Variants in DMXL1 observed in about 807,000 individuals in gnomAD.
DMXL1 encodes Dmx like 1.
DMXL1 carries 99 observed loss-of-function variants against 319.2 expected under a neutral mutation model. The ratio of observed to expected loss-of-function variants is 0.31; its 90% confidence interval spans 0.26 to 0.37. The LOEUF (loss-of-function observed/expected upper bound fraction) is 0.37. DMXL1 is among the 10% of genes least tolerant of loss of function. DMXL1 has a pLI of 1.00. For synonymous variants in DMXL1, 1,385 were observed against 1,235.2 expected, an observed-to-expected ratio of 1.12 and a Z score of -2.54; for missense variants, 3,745 against 3,595.6, an observed-to-expected ratio of 1.04 and a Z score of -1.06.
intron 34 of DMXL1, among the ~76,000 whole-genome samples, chr5:119,210,099 C>G (rs1247271381): frequency 6.6e-6 from 1 of 152,010 alleles, no homozygotes; most frequent in Non-Finnish European, 1.5e-5. Flanking sequence ...TGTGCACTAA[C>G]ACACCCGGCT....
chr5:119,083,454 C>G (rs963060483), intron 1 of DMXL1, among the ~76,000 whole-genome samples: 4 of 152,052 alleles, frequency 2.6e-5, no homozygotes, highest in African/African-American at 9.7e-5. Context: ...AACATGGGCA[C>G]ATAGATGTCT....
At chr5:119,202,860 CATACATATATATATATATATATTTTTAT>C (rs1780962099) in intron 32 of DMXL1, among the ~76,000 whole-genome samples, 2 of 109,328 alleles carry the variant, frequency 1.8e-5, no homozygotes, top group Admixed American at 2.2e-4. Flanking sequence ...CAAAAATATA[CATACATATATATATATATATATTTTTAT>C]ATATATATAT....
At chr5:119,178,724 T>G in intron 28 of DMXL1, 2 of 906,160 alleles carry the variant, frequency 2.2e-6, no homozygotes, top group Non-Finnish European at 2.6e-6. Context: ...CTTTTATCAT[T>G]CAGCTTGCTT....
At chr5:119,213,398 T>C (rs1353710379) in intron 34 of DMXL1, among the ~76,000 whole-genome samples, 1 of 152,220 alleles carries the variant, frequency 6.6e-6, no homozygotes, top group Non-Finnish European at 1.5e-5. Context: ...TGCTTTCACC[T>C]ACCCAAGAAC....
chr5:119,234,633 TA>T (rs1787391569), intron 39 of DMXL1, among the ~76,000 whole-genome samples: 2 of 152,196 alleles, frequency 1.3e-5, no homozygotes, highest in African/African-American at 2.4e-5. Flanking sequence ...GGGAACTTAG[TA>T]CAGATGCCTG....
At chr5:119,113,464 A>G (rs1760128014) in intron 5 of DMXL1, among the ~76,000 whole-genome samples, 1 of 152,162 alleles carries the variant, frequency 6.6e-6, no homozygotes, top group East Asian at 1.9e-4. Flanking sequence ...GCTGGTCTCG[A>G]ACTCCTGACC....
chr5:119,209,417 G>A (rs6595179), intron 34 of DMXL1, among the ~76,000 whole-genome samples: 103,242 of 151,068 alleles, frequency 0.68, 35,754 homozygotes, highest in East Asian at 0.97. Flanking sequence ...TGGTGTGATT[G>A]CGGCTCACTG....
At chr5:119,204,557 G>GT (rs1306126734) in intron 33 of DMXL1, among the ~76,000 whole-genome samples, 5 of 148,754 alleles carry the variant, frequency 3.4e-5, no homozygotes, top group African/African-American at 1.3e-4. Context: ...TATCATAATG[G>GT]GTTTTTTTTT....
intron 1 of DMXL1, among the ~76,000 whole-genome samples, chr5:119,088,362 G>C (rs990379582): frequency 2.0e-5 from 3 of 152,106 alleles, no homozygotes; most frequent in African/African-American, 7.2e-5. Context: ...TGGGTTTCTT[G>C]TGGGCAGTAT....
chr5:119,151,107 A>T (rs1054812404), intron 18 of DMXL1, among the ~76,000 whole-genome samples: 2 of 152,104 alleles, frequency 1.3e-5, no homozygotes, highest in African/African-American at 4.8e-5. Context: ...TTTTGTAATA[A>T]TCCACTATTA....
chr5:119,170,348 A>G lies in DMXL1; in HGVS notation c.5557A>G (p.Ser1853Gly), dbSNP rs1260420949. The G allele has an allele frequency of 6.2e-7, 1 of 1,613,926 alleles. No individual in the cohort carries two copies. The highest frequency in any genetic ancestry group is 1.3e-5 in the African/African-American group (1 of 74,938). Residue 1853 changes from serine to glycine, a missense_variant, in exon 24 of 44, where the codon AGT (serine) becomes GGT (glycine). This residue lies in a region of DMXL1 where 1,382 missense variants were observed against 1,269.5 expected (regional missense o/e 1.09). Transcript: ENST00000539542. ...TGGACTGGCAGGAACAATTAATTTA[A>G]GTGAAAGACGTTTATTTTTTACCAC... ...KSGLAGTINL[S>G]ERRLFFTTAS...
In DMXL1 at chr5:119,170,785, T is replaced by TGAC. The variant is rs778007061; in HGVS notation, c.5995_5997dup (p.Asp1999dup). ...AGAGAAAAACAGATAAAAAGTTGGA[T>TGAC]GACATAAGTTCTAACTACACAGAAT... On this transcript the variant is annotated inframe_insertion, in exon 24 of 44. Coordinates refer to ENST00000539542, the MANE Select transcript of DMXL1 (RefSeq NM_001290321.3). 2 of 1,612,000 alleles carry TGAC rather than the reference T, an allele frequency of 1.2e-6. No individual in the cohort carries two copies. Among genetic ancestry groups the TGAC allele is most frequent in the East Asian group, 4.5e-5 (2 of 44,844 alleles).
rs1561775049 is a variant in DMXL1 at position 119,166,666 on chromosome 5, A to T, written c.5021A>T (p.Asp1674Val). Residue 1674 changes from aspartate to valine, a missense_variant, in exon 22 of 44, where the codon GAT (aspartate) becomes GTT (valine). Physicochemically the swap from Asp to Val is radical, Grantham distance 152. Transcript: ENST00000539542. ...MTQFFGHNFEDERWRKAALKN... is the reference protein window; with the variant it reads ...MTQFFGHNFEVERWRKAALKN... ...CAGTTTTTTGGACACAATTTTGAGGATGAGAGGTGGCGTAAAGCAGCTTTA... is the reference window on the plus strand; with the variant it reads ...CAGTTTTTTGGACACAATTTTGAGGTTGAGAGGTGGCGTAAAGCAGCTTTA... 6.2e-7 allele frequency: 1 copy of T among 1,612,500 alleles called. No individual in the cohort carries two copies. The highest frequency in any genetic ancestry group is 2.2e-5 in the East Asian group (1 of 44,678).
intron 2 of DMXL1, among the ~76,000 whole-genome samples, chr5:119,101,386 C>G (rs1757245345): frequency 6.6e-6 from 1 of 151,914 alleles, no homozygotes; most frequent in Non-Finnish European, 1.5e-5. Flanking sequence ...TTATATGAGA[C>G]TCACTCAAGT....
chr5:119,146,097 T>G (rs1360025458), intron 15 of DMXL1, among the ~76,000 whole-genome samples: 1 of 151,922 alleles, frequency 6.6e-6, no homozygotes, highest in African/African-American at 2.4e-5. Context: ...ATTTTTTTGC[T>G]ATGCAAATTT....
At position 119,133,169 on chromosome 5, in the gene DMXL1, C is replaced by G. The variant is rs201169279; in HGVS notation, c.1353C>G (p.Pro451=). 24 of 1,613,912 alleles carry G rather than the reference C, an allele frequency of 1.5e-5. No homozygotes were observed. Among genetic ancestry groups the G allele is most frequent in the Non-Finnish European group, 1.9e-5 (22 of 1,180,006 alleles). ...DDGVDDLKIN[P]EKKELGCDKM... ...GTGTTGATGATCTGAAAATAAATCC[C>G]GAAAAGAAGGAATTAGGCTGTGATA... Residue 451 remains proline, a synonymous_variant, in exon 11 of 44, where the codon CCC becomes CCG. Transcript: ENST00000539542.
At chr5:119,122,212 C>T (rs1236423207) in intron 9 of DMXL1, among the ~76,000 whole-genome samples, 8 of 130,710 alleles carry the variant, frequency 6.1e-5, no homozygotes, top group East Asian at 2.4e-4. Flanking sequence ...TAGGGGCGGC[C>T]GGGCAGAGGC....
intron 30 of DMXL1, among the ~76,000 whole-genome samples, chr5:119,194,774 G>C (rs1476579556): frequency 6.6e-6 from 1 of 152,122 alleles, no homozygotes; most frequent in Non-Finnish European, 1.5e-5. Flanking sequence ...TGAACAAAGG[G>C]CTGGGCATGG....
chr5:119,125,825 A>G (rs1252459629), intron 9 of DMXL1, among the ~76,000 whole-genome samples: 1 of 152,126 alleles, frequency 6.6e-6, no homozygotes, highest in Non-Finnish European at 1.5e-5. Flanking sequence ...TGACCTCCCA[A>G]AGCATTGGGA....
Sources: gnomAD v4.1 joint callset for allele counts (sites outside exome capture counted in the v4.1 genomes callset) on GRCh38, gnomAD v4.1.1 for gene constraint, gnomAD v4.1.1 regional missense constraint, MANE v1.5 for transcripts, NCBI Gene and HGNC (gene_info 2026-07-23, HGNC 2026-07-21) for gene names.